The following IQCM variants were observed in gnomAD, a reference collection of about 807,000 sequenced individuals.
IQCM encodes the protein IQ domain-containing protein M.
A neutral mutation model predicts 57.6 loss-of-function variants in IQCM; 45 were observed. The ratio of observed to expected loss-of-function variants is 0.78; its 90% CI spans 0.62 to 1.00. IQCM has a LOEUF of 1.00. Among genes scored for constraint, IQCM ranks in the 50% least tolerant of loss-of-function variants. IQCM has a pLI of 0.00. For missense variants in IQCM, 468 were observed against 511.6 expected (o/e 0.91, Z 0.82); for synonymous variants, 148 against 158.9 (o/e 0.93, Z 0.51).
chr4:149,500,564 T>C (rs949942150), intron 12 of IQCM, among the ~76,000 whole-genome samples: 1 of 152,170 alleles, frequency 6.6e-6, no homozygotes, highest in South Asian at 2.1e-4. Context: ...CTTGAAAAGG[T>C]ACCAAAAGAC....
chr4:149,457,967 T>C (rs531939387), intron 12 of IQCM, among the ~76,000 whole-genome samples: 2 of 152,084 alleles, frequency 1.3e-5, no homozygotes, highest in East Asian at 3.9e-4. Context: ...GTAAAGGTGA[T>C]GCGAGAGGGG....
rs4469053 is a variant in IQCM at position 149,615,972 on chromosome 4, G to A, written c.681+5157C>T. ...CACCAGAAAATATAAGAAAATGGGA[G>A]AAACTAGAACCCTTGTGCATTGCTG... On this transcript the variant is annotated intron_variant, in intron 8 of 13. Coordinates refer to ENST00000636793, the MANE Select transcript of IQCM (RefSeq NM_001363507.2). Among the ~76,000 whole-genome samples the A allele has an allele frequency of 1.3e-3, 199 of 152,306 alleles. 9 individuals carry two copies. In the South Asian group the frequency reaches 0.04, roughly 31 times the overall value.
At chr4:149,738,796 T>A (rs951249057) in intron 3 of IQCM, among the ~76,000 whole-genome samples, 2 of 152,162 alleles carry the variant, frequency 1.3e-5, no homozygotes, top group Non-Finnish European at 2.9e-5. Flanking sequence ...AGGTAGCTGT[T>A]CTGATTTTCT....
intron 11 of IQCM, among the ~76,000 whole-genome samples, chr4:149,549,475 G>A (rs571630091): frequency 1.3e-5 from 2 of 152,158 alleles, no homozygotes; most frequent in South Asian, 2.1e-4. Flanking sequence ...CCGAGATCCC[G>A]CCACTGCACT....
At chr4:149,779,084 T>C (rs1224783042) in intron 2 of IQCM, among the ~76,000 whole-genome samples, 2 of 152,004 alleles carry the variant, frequency 1.3e-5, no homozygotes, top group African/African-American at 4.8e-5. Context: ...CTTAACAAAA[T>C]AGAAGGAAAT....
chr4:149,398,027 CT>C, intron 13 of IQCM, among the ~76,000 whole-genome samples: 1 of 151,900 alleles, frequency 6.6e-6, no homozygotes, highest in Admixed American at 6.6e-5. Context: ...CTTATGTTTT[CT>C]TCTAGAAGTT....
intron 5 of IQCM, among the ~76,000 whole-genome samples, chr4:149,697,276 A>T (rs945623711): frequency 6.6e-6 from 1 of 152,048 alleles, no homozygotes; most frequent in Non-Finnish European, 1.5e-5. Flanking sequence ...GTTCCTCCTC[A>T]GGGCTGATTT....
intron 12 of IQCM, among the ~76,000 whole-genome samples, chr4:149,492,418 A>G: frequency 7.0e-6 from 1 of 143,676 alleles, no homozygotes; most frequent in Admixed American, 6.7e-5. Flanking sequence ...CGTCTAACTG[A>G]CTGTTGGACA....
At chr4:149,436,750 G>A (rs1008779987) in intron 12 of IQCM, among the ~76,000 whole-genome samples, 1 of 151,964 alleles carries the variant, frequency 6.6e-6, no homozygotes, top group Admixed American at 6.6e-5. Context: ...ATTGCCATAA[G>A]GGATTTAGAT....
rs1745613783 is a variant in IQCM, at chr4:149,521,293, AAG to A, written c.1228+27160_1228+27161del. On this transcript the variant is annotated intron_variant, in intron 12 of 13. Transcript: ENST00000636793. ...ACAAAAACAAGGAAAGAAAGGAAAA[AAG>A]GAAGGAAGGGAGGAAGTCAAGGCAA... 2.6e-5 allele frequency among the ~76,000 whole-genome samples: 4 copies of A among 152,280 alleles called. No homozygotes were observed. The South Asian group carries it at 8.3e-4, about 32-fold the overall frequency.
chr4:149,807,538 TA>T (rs916487455), intron 2 of IQCM, among the ~76,000 whole-genome samples: 13 of 151,968 alleles, frequency 8.6e-5, no homozygotes, highest in African/African-American at 3.1e-4. Flanking sequence ...TTTTGGAAGG[TA>T]AGATCTCAAA....
At chr4:149,724,843 T>TTA (rs1765750815) in intron 5 of IQCM, among the ~76,000 whole-genome samples, 2 of 152,134 alleles carry the variant, frequency 1.3e-5, no homozygotes, top group African/African-American at 2.4e-5. Flanking sequence ...CATTAATATT[T>TTA]TATATATATT....
At chr4:149,607,286 T>C (rs958047352) in intron 8 of IQCM, among the ~76,000 whole-genome samples, 1 of 152,098 alleles carries the variant, frequency 6.6e-6, no homozygotes. Context: ...ACTAGAATGT[T>C]ATACCCTGTA....
At chr4:149,772,346 G>A (rs1194952754) in intron 2 of IQCM, among the ~76,000 whole-genome samples, 1 of 151,950 alleles carries the variant, frequency 6.6e-6, no homozygotes, top group Non-Finnish European at 1.5e-5. Flanking sequence ...GAAAAATAAA[G>A]TACAAAATGT....
intron 13 of IQCM, among the ~76,000 whole-genome samples, chr4:149,431,665 T>C (rs1257135534): frequency 1.3e-5 from 2 of 151,980 alleles, no homozygotes; most frequent in East Asian, 3.9e-4. Context: ...ATTTAAGCCC[T>C]AGCAATCACA....
At chr4:149,695,077 G>C (rs1228076307) in intron 5 of IQCM, among the ~76,000 whole-genome samples, 1 of 152,114 alleles carries the variant, frequency 6.6e-6, no homozygotes, top group African/African-American at 2.4e-5. Context: ...TGTGGGCTGG[G>C]TAGATGTCAT....
At chr4:149,589,530 A>G (rs1294574668) in intron 8 of IQCM, among the ~76,000 whole-genome samples, 1 of 151,990 alleles carries the variant, frequency 6.6e-6, no homozygotes, top group African/African-American at 2.4e-5. Flanking sequence ...AACAAATCAC[A>G]AATCTCTTTT....
chr4:149,801,701 C>A (rs1773617946), intron 2 of IQCM, among the ~76,000 whole-genome samples: 1 of 151,702 alleles, frequency 6.6e-6, no homozygotes, highest in Non-Finnish European at 1.5e-5. Flanking sequence ...AACAATTGAA[C>A]CCACGGACAT....
chr4:149,471,971 CAAAAT>C (rs1739609046), intron 12 of IQCM, among the ~76,000 whole-genome samples: 1 of 152,120 alleles, frequency 6.6e-6, no homozygotes, highest in Non-Finnish European at 1.5e-5. Context: ...GGACATATCT[CAAAAT>C]AATAAGAGCT....
Sources: gnomAD v4.1 joint callset for allele counts (sites outside exome capture counted in the v4.1 genomes callset) on GRCh38, gnomAD v4.1.1 for gene constraint, MANE v1.5 for transcripts, NCBI Gene and HGNC (gene_info 2026-07-23, HGNC 2026-07-21) for gene names.